The following PDE3A variants were observed in gnomAD, a reference collection of about 807,000 sequenced individuals.
The protein encoded by PDE3A is cGMP-inhibited 3',5'-cyclic phosphodiesterase 3A.
In PDE3A, 43 loss-of-function variants were observed where a neutral mutation model predicts 98.3. The observed-to-expected ratio is 0.44, with a 90% CI of 0.34 to 0.56. PDE3A has a LOEUF of 0.56. Ranked by LOEUF, PDE3A falls within the 20% of genes least tolerant of loss-of-function variation. PDE3A has a pLI of 0.01. For synonymous variants in PDE3A, 663 were observed against 567.9 expected (o/e 1.17, Z -2.38); for missense variants, 1,427 against 1,440.7 (o/e 0.99, Z 0.15).
chr12:20,375,629 C>G (rs534234200), intron 1 of PDE3A, among the ~76,000 whole-genome samples: 43 of 152,088 alleles, frequency 2.8e-4, no homozygotes, highest in African/African-American at 9.9e-4. Context: ...TTTGATCAAT[C>G]AACCTACCAG....
rs1257382177 is a variant in PDE3A at position 20,601,609 on chromosome 12, T to C, written c.1012-11834T>C. Among the ~76,000 whole-genome samples, 4 of 152,310 alleles carry C rather than the reference T, an allele frequency of 2.6e-5. No individual in the cohort carries two copies. The East Asian group carries it at 7.7e-4, about 29-fold the overall frequency. On this transcript the variant is annotated intron_variant, in intron 2 of 15. Transcript: ENST00000359062. The stretch of plus-strand genomic sequence containing the variant: ...GAAGTCACGTTTCTAATATGTCTTA[T>C]AAAAATTGAGAAACGTAACAACTAA...
chr12:20,538,007 G>A (rs547647240), intron 1 of PDE3A, among the ~76,000 whole-genome samples: 23 of 152,170 alleles, frequency 1.5e-4, no homozygotes, highest in South Asian at 2.1e-4. Flanking sequence ...TGAACCAAAC[G>A]CATAATAGAA....
chr12:20,488,107 C>A (rs915855318), intron 1 of PDE3A, among the ~76,000 whole-genome samples: 1 of 152,038 alleles, frequency 6.6e-6, no homozygotes, highest in Non-Finnish European at 1.5e-5. Flanking sequence ...CAAAAATACC[C>A]TTTCCTTGAG....
intron 5 of PDE3A, among the ~76,000 whole-genome samples, chr12:20,626,050 C>T (rs193262019): frequency 2.0e-5 from 3 of 152,012 alleles, no homozygotes; most frequent in African/African-American, 4.8e-5. Context: ...TGTGAGTGTG[C>T]GATGTAAAAT....
chr12:20,661,852 G>A (rs896595854), intron 15 of PDE3A, among the ~76,000 whole-genome samples: 1 of 152,176 alleles, frequency 6.6e-6, no homozygotes, highest in Non-Finnish European at 1.5e-5. Flanking sequence ...TGTAGGGTCA[G>A]AGCTACCACA....
At chr12:20,458,181 C>T (rs1019049256) in intron 1 of PDE3A, among the ~76,000 whole-genome samples, 1 of 151,946 alleles carries the variant, frequency 6.6e-6, no homozygotes, top group African/African-American at 2.4e-5. Context: ...AAGAGCAGTG[C>T]TTGGTGCCTT....
At chr12:20,438,101 T>G (rs1472776061) in intron 1 of PDE3A, among the ~76,000 whole-genome samples, 2 of 152,156 alleles carry the variant, frequency 1.3e-5, no homozygotes, top group African/African-American at 4.8e-5. Context: ...GATAGCTGAT[T>G]CTCTCTCGAG....
At chr12:20,617,717 A>G (rs941535852) in intron 4 of PDE3A, among the ~76,000 whole-genome samples, 2 of 152,118 alleles carry the variant, frequency 1.3e-5, no homozygotes, top group Non-Finnish European at 2.9e-5. Context: ...GTAATGCTTC[A>G]TGATTTCCTT....
chr12:20,612,036 T>G (rs1943869119), intron 2 of PDE3A, among the ~76,000 whole-genome samples: 1 of 151,944 alleles, frequency 6.6e-6, no homozygotes, highest in Non-Finnish European at 1.5e-5. Flanking sequence ...GTTGTTTTGC[T>G]GGATCATAGA....
chr12:20,641,023 A>T (rs911196802), intron 10 of PDE3A, among the ~76,000 whole-genome samples: 6 of 152,182 alleles, frequency 3.9e-5, no homozygotes, highest in Non-Finnish European at 5.9e-5. Context: ...ACATTAAAAA[A>T]TAATTAATAC....
intron 1 of PDE3A, among the ~76,000 whole-genome samples, chr12:20,525,785 A>G (rs985523452): frequency 1.3e-5 from 2 of 152,178 alleles, no homozygotes; most frequent in African/African-American, 4.8e-5. Flanking sequence ...TTCTAAAAGT[A>G]TGAGAGGATA....
intron 1 of PDE3A, among the ~76,000 whole-genome samples, chr12:20,418,426 T>C (rs1944458051): frequency 6.6e-6 from 1 of 152,204 alleles, no homozygotes; most frequent in South Asian, 2.1e-4. Flanking sequence ...GCACCAGATT[T>C]GGTGGTAGGT....
intron 1 of PDE3A, among the ~76,000 whole-genome samples, chr12:20,432,543 T>C (rs1458516215): frequency 6.6e-6 from 1 of 152,162 alleles, no homozygotes; most frequent in Non-Finnish European, 1.5e-5. Flanking sequence ...CAAGTATATA[T>C]ATGCTTATCT....
At chr12:20,539,281 G>T (rs898661142) in intron 1 of PDE3A, among the ~76,000 whole-genome samples, 1 of 152,010 alleles carries the variant, frequency 6.6e-6, no homozygotes, top group East Asian at 1.9e-4. Context: ...ATAGCCTAAA[G>T]GTAATTTTAT....
chr12:20,375,771 T>G (rs1322669292), intron 1 of PDE3A, among the ~76,000 whole-genome samples: 1 of 151,876 alleles, frequency 6.6e-6, no homozygotes, highest in Non-Finnish European at 1.5e-5. Context: ...GAAGTGAACA[T>G]AAGAAAAAGG....
intron 1 of PDE3A, among the ~76,000 whole-genome samples, chr12:20,501,921 A>G (rs1163334386): frequency 1.3e-5 from 2 of 152,186 alleles, no homozygotes; most frequent in Admixed American, 1.3e-4. Context: ...GATATTAAAT[A>G]TATACAGACT....
chr12:20,577,285 TG>T (rs1412604052), intron 2 of PDE3A, among the ~76,000 whole-genome samples: 1 of 152,140 alleles, frequency 6.6e-6, no homozygotes, highest in African/African-American at 2.4e-5. Flanking sequence ...GCAATCCATG[TG>T]GGTCAAGAGT....
chr12:20,626,383 G>GA (rs11402218), intron 5 of PDE3A, among the ~76,000 whole-genome samples: 143,354 of 147,880 alleles, frequency 0.97, 69,563 homozygotes, highest in East Asian at 0.99. Flanking sequence ...TTTGGCTTTG[G>GA]AAAAAAAAAA....
At chr12:20,596,608 A>T (rs1943473071) in intron 2 of PDE3A, among the ~76,000 whole-genome samples, 1 of 152,160 alleles carries the variant, frequency 6.6e-6, no homozygotes, top group Admixed American at 6.6e-5. Context: ...AGAATCCACA[A>T]GTTTTTCCTT....
Sources: gnomAD v4.1 joint callset for allele counts (sites outside exome capture counted in the v4.1 genomes callset) on GRCh38, gnomAD v4.1.1 for gene constraint, MANE v1.5 for transcripts, NCBI Gene and HGNC (gene_info 2026-07-23, HGNC 2026-07-21) for gene names.